COX10: variants seen among roughly 807,000 people sequenced by gnomAD.
COX10 encodes protoheme IX farnesyltransferase, mitochondrial.
Under a neutral mutation model 37.3 loss-of-function variants are expected in COX10, and 27 were observed. That is an observed-to-expected ratio of 0.72 (90% CI 0.53 to 1.00). The LOEUF (loss-of-function observed/expected upper bound fraction) is 1.00, where lower values mean the gene tolerates loss of function less well. Ranked by LOEUF, COX10 falls within the 50% of genes least tolerant of loss-of-function variation. The pLI is 0.00. For synonymous variants in COX10, 222 were observed against 229.1 expected (o/e 0.97, Z 0.28); for missense variants, 475 against 563.2 (o/e 0.84, Z 1.59).
intron 4 of COX10, among the ~76,000 whole-genome samples, chr17:14,146,573 G>C (rs1249846554): frequency 6.6e-6 from 1 of 152,096 alleles, no homozygotes; most frequent in Non-Finnish European, 1.5e-5. Flanking sequence ...TAAGACATCG[G>C]CCTGGGCAAA....
intron 4 of COX10, among the ~76,000 whole-genome samples, chr17:14,113,919 C>G (rs778413699): frequency 2.6e-5 from 4 of 152,156 alleles, no homozygotes; most frequent in Admixed American, 6.6e-5. Flanking sequence ...CTGCATTTAT[C>G]TATTCCCATG....
At chr17:14,176,987 A>G (rs1905712068) in intron 5 of COX10, 2 of 348,802 alleles carry the variant, frequency 5.7e-6, no homozygotes, top group Admixed American at 9.3e-5. Flanking sequence ...ATCAAAGGGG[A>G]AAATGTTTAT....
intron 6 of COX10, among the ~76,000 whole-genome samples, chr17:14,192,762 TC>T (rs1906245636): frequency 2.0e-5 from 3 of 152,172 alleles, no homozygotes; most frequent in Non-Finnish European, 4.4e-5. Context: ...TGGTGGTATG[TC>T]ACAACTAAAT....
intron 6 of COX10, among the ~76,000 whole-genome samples, chr17:14,204,942 A>G (rs931924406): frequency 1.3e-5 from 2 of 152,036 alleles, no homozygotes; most frequent in Non-Finnish European, 2.9e-5. Flanking sequence ...TCTCTACAAA[A>G]AGTTGTTTTA....
chr17:14,158,382 G>C (rs1016490098), intron 4 of COX10, among the ~76,000 whole-genome samples: 2 of 151,240 alleles, frequency 1.3e-5, no homozygotes, highest in Non-Finnish European at 2.9e-5. Flanking sequence ...AAATAGTTCA[G>C]AATAAATTTT....
At chr17:14,069,975 C>T (rs754127393) in intron 1 of COX10, among the ~76,000 whole-genome samples, 19 of 152,222 alleles carry the variant, frequency 1.2e-4, no homozygotes, top group Admixed American at 3.3e-4. Flanking sequence ...CCACAGTCCT[C>T]CTTATCAGAG....
At chr17:14,152,031 C>G (rs908967089) in intron 4 of COX10, among the ~76,000 whole-genome samples, 1 of 152,112 alleles carries the variant, frequency 6.6e-6, no homozygotes, top group Admixed American at 6.6e-5. Context: ...AGGAAGTCAG[C>G]CATTTAGATT....
intron 1 of COX10, among the ~76,000 whole-genome samples, chr17:14,073,319 G>A (rs1915070456): frequency 6.6e-6 from 1 of 152,164 alleles, no homozygotes; most frequent in Non-Finnish European, 1.5e-5. Flanking sequence ...GATTGGACTT[G>A]ATGATTGTTA....
chr17:14,156,544 C>A (rs1219862142), intron 4 of COX10, among the ~76,000 whole-genome samples: 1 of 152,096 alleles, frequency 6.6e-6, no homozygotes, highest in African/African-American at 2.4e-5. Flanking sequence ...TGAAATTTAA[C>A]CCTAATTTCT....
Position 14,206,803 on chromosome 17 carries a change from C to T in COX10, c.929-7C>T, listed in dbSNP as rs62052075. On this transcript the variant is annotated splice_region_variant and splice_polypyrimidine_tract_variant and intron_variant, in intron 6 of 6. Transcript: ENST00000261643. ...TGTCTCCCTCTCCTTCCCTGACCCC[C>T]GCACAGGCGCATTTCTCCTGGGAGG... is the stretch of plus-strand genomic sequence containing the variant. 3.0e-3 allele frequency: 4,775 copies of T among 1,614,118 alleles called. 14 individuals carry two copies. The highest frequency in any genetic ancestry group is 3.5e-3 in the Non-Finnish European group (4,093 of 1,179,990).
At position 14,103,003 on chromosome 17, in the gene COX10, G is replaced by A. The variant is rs1165217432; in HGVS notation, c.624+761G>A. 2.0e-5 allele frequency among the ~76,000 whole-genome samples: 3 copies of A among 152,150 alleles called. No individual in the cohort carries two copies. The East Asian group carries it at 5.8e-4, about 29-fold the overall frequency. The stretch of plus-strand genomic sequence containing the variant: ...GAGTGGACATATAAGTTGCTAGTGT[G>A]CAAAATACGTGAATTTAATGTGATA... On this transcript the variant is annotated intron_variant, in intron 4 of 6. Coordinates refer to ENST00000261643, the MANE Select transcript of COX10 (RefSeq NM_001303.4).
chr17:14,190,963 C>T (rs1906182234), intron 5 of COX10, among the ~76,000 whole-genome samples: 1 of 152,132 alleles, frequency 6.6e-6, no homozygotes, highest in South Asian at 2.1e-4. Context: ...ACTGGTGACT[C>T]TTGCTTGCTA....
intron 6 of COX10, among the ~76,000 whole-genome samples, chr17:14,204,712 T>G (rs1381144364): frequency 6.6e-6 from 1 of 152,010 alleles, no homozygotes. Context: ...CACACATAGG[T>G]GCACACACTC....
chr17:14,069,545 CA>C lies in COX10; in HGVS notation c.-60del, dbSNP rs944054720. 1 of 1,601,646 alleles carries C rather than the reference CA, an allele frequency of 6.2e-7. No homozygotes were observed. Among genetic ancestry groups the C allele is most frequent in the African/African-American group, 1.3e-5 (1 of 74,692 alleles). On this transcript the variant is annotated 5_prime_UTR_variant, in exon 1 of 7. The change abolishes the stop of an existing upstream ORF in the 5' untranslated region. Transcript: ENST00000261643. Reference sequence around the variant, plus strand: ...GGCGGGGAAGGAAGATGGCGGCGCCCAGCGTCCCGTGAGGAGAGAGGACACA... The same window carrying C: ...GGCGGGGAAGGAAGATGGCGGCGCCCGCGTCCCGTGAGGAGAGAGGACACA...
chr17:14,091,123 C>T (rs1915517830), intron 3 of COX10, among the ~76,000 whole-genome samples: 1 of 152,144 alleles, frequency 6.6e-6, no homozygotes, highest in Non-Finnish European at 1.5e-5. Context: ...TTTATAGTTA[C>T]TTGGTCTGCT....
chr17:14,101,621 G>A (rs753525616), intron 3 of COX10, among the ~76,000 whole-genome samples: 8 of 152,266 alleles, frequency 5.3e-5, no homozygotes, highest in African/African-American at 1.4e-4. Context: ...TTCTCTGACC[G>A]CTGGGACCAT....
chr17:14,078,669 C>T (rs1915211561), intron 3 of COX10, among the ~76,000 whole-genome samples: 1 of 152,152 alleles, frequency 6.6e-6, no homozygotes, highest in Non-Finnish European at 1.5e-5. Context: ...CTTTTGTCCT[C>T]CGCCCCGCTT....
intron 4 of COX10, among the ~76,000 whole-genome samples, chr17:14,154,738 T>G (rs1904995040): frequency 6.6e-6 from 1 of 152,222 alleles, no homozygotes; most frequent in Admixed American, 6.5e-5. Flanking sequence ...TTTCAGATCC[T>G]CATAGTAACT....
intron 4 of COX10, among the ~76,000 whole-genome samples, chr17:14,124,440 A>T (rs1227390872): frequency 6.6e-6 from 1 of 152,152 alleles, no homozygotes; most frequent in Non-Finnish European, 1.5e-5. Context: ...CAAATTCTCT[A>T]GGACAACTCA....
Sources: allele counts gnomAD v4.1 joint callset (sites outside exome capture counted in the v4.1 genomes callset), GRCh38; gene constraint gnomAD v4.1.1; transcripts MANE v1.5; gene names NCBI Gene and HGNC (gene_info 2026-07-23, HGNC 2026-07-21).